Variants in TES observed in about 807,000 individuals in gnomAD.
TES encodes testin.
Under a neutral mutation model 48.2 loss-of-function variants are expected in TES, and 41 were observed. The ratio of observed to expected loss-of-function variants is 0.85; its 90% CI spans 0.66 to 1.10. TES has a LOEUF of 1.10. Among genes scored for constraint, TES ranks in the 50% least tolerant of loss-of-function variants. The pLI, the probability that TES is intolerant of heterozygous loss-of-function variation, is 0.00. For synonymous variants in TES, 162 were observed against 174.9 expected (o/e 0.93, Z 0.58); for missense variants, 463 against 515.1 (o/e 0.90, Z 0.98).
chr7:116,232,535 TAGAA>T (rs1037260244), intron 1 of TES, among the ~76,000 whole-genome samples: 1 of 147,462 alleles, frequency 6.8e-6, no homozygotes, highest in African/African-American at 2.5e-5. Flanking sequence ...AATGGAAAAT[TAGAA>T]AGGGCCTGAA....
intron 1 of TES, 151 bp downstream of exon 1, chr7:116,210,885 G>C: frequency 1.8e-6 from 1 of 564,068 alleles, no homozygotes; most frequent in Non-Finnish European, 2.6e-6. Context: ...CAGGGACCTG[G>C]CCCCCTGGGT....
intron 1 of TES, among the ~76,000 whole-genome samples, chr7:116,214,285 A>G (rs935841716): frequency 6.6e-5 from 10 of 152,188 alleles, no homozygotes; most frequent in African/African-American, 2.4e-4. Context: ...CCAAATGAAT[A>G]CTATTGGAAA....
chr7:116,253,467 G>A (rs997081358), intron 6 of TES, among the ~76,000 whole-genome samples: 2 of 151,290 alleles, frequency 1.3e-5, no homozygotes, highest in South Asian at 2.1e-4. Flanking sequence ...CTCAAATTTC[G>A]TTCCTCCACT....
At chr7:116,210,805 G>C (rs1799427227) in intron 1 of TES, 71 bp downstream of exon 1, 2 of 1,211,086 alleles carry the variant, frequency 1.7e-6, no homozygotes, top group African/African-American at 1.6e-5. Context: ...GCGGCCGGAG[G>C]TGCCGAGGTG....
intron 6 of TES, among the ~76,000 whole-genome samples, chr7:116,252,933 T>C (rs1800040261): frequency 6.6e-6 from 1 of 152,226 alleles, no homozygotes; most frequent in African/African-American, 2.4e-5. Flanking sequence ...TAAACCCTCA[T>C]TGAATTGATT....
intron 1 of TES, among the ~76,000 whole-genome samples, chr7:116,223,252 A>G (rs1212732762): frequency 6.6e-6 from 1 of 152,180 alleles, no homozygotes; most frequent in Non-Finnish European, 1.5e-5. Context: ...CAAATAGATA[A>G]GTAGTACTGT....
At position 116,210,701 on chromosome 7, in the gene TES, C is replaced by T. The variant is rs1012015800; in HGVS notation, c.-7C>T. ...GGAGGAGGAGGGGACCCATAGGACG[C>T]GTTAACATGGACCTGGAAAACAAAG... On this transcript the variant is annotated 5_prime_UTR_variant, in exon 1 of 7. Transcript: ENST00000358204. The T allele has an allele frequency of 3.1e-6, 4 of 1,274,956 alleles. No individual in the cohort carries two copies. The African/African-American group carries it at 6.2e-5, about 20-fold the overall frequency. The allele number at this position is 1,274,956 out of a possible 1,614,324, so 79.0% of individuals were successfully genotyped here. A position where few individuals can be genotyped will look rare whatever the true frequency, so the allele number is the denominator to read the frequency against.
intron 2 of TES, chr7:116,237,904 A>G (rs1799794754): frequency 6.6e-6 from 1 of 152,108 alleles, no homozygotes; most frequent in Admixed American, 6.6e-5. Flanking sequence ...AAGGTCACCT[A>G]TTCCAATGGA....
At chr7:116,228,989 T>C (rs1799659131) in intron 1 of TES, among the ~76,000 whole-genome samples, 1 of 87,408 alleles carries the variant, frequency 1.1e-5, no homozygotes, top group African/African-American at 4.5e-5. Flanking sequence ...AGCTCTCTAG[T>C]ATCTATAACT....
chr7:116,235,981 A>G (rs1035907067), intron 2 of TES, among the ~76,000 whole-genome samples: 18 of 152,142 alleles, frequency 1.2e-4, no homozygotes, highest in Non-Finnish European at 2.2e-4. Context: ...GTTTTGATAC[A>G]ATTCTTCAGT....
intron 2 of TES, chr7:116,238,375 A>C (rs1176720431): frequency 6.6e-6 from 1 of 152,190 alleles, no homozygotes; most frequent in Non-Finnish European, 1.5e-5. Context: ...CTTGTAACTT[A>C]ACTAGTCTAA....
chr7:116,250,555 T>G, intron 4 of TES, 59 bp downstream of exon 4: 1 of 1,347,076 alleles, frequency 7.4e-7, no homozygotes, highest in East Asian at 2.8e-5. Context: ...TTTTTTTCCC[T>G]TACTTTGAAC....
Position 116,257,547 on chromosome 7 carries a change from T to C in TES, c.*65T>C. 8.0e-7 allele frequency: 1 copy of C among 1,248,434 alleles called. No individual in the cohort carries two copies. Among genetic ancestry groups the C allele is most frequent in the African/African-American group, 1.5e-5 (1 of 64,968 alleles). The allele number at this position is 1,248,434 out of a possible 1,614,324, so 77.3% of individuals were successfully genotyped here. On this transcript the variant is annotated 3_prime_UTR_variant, in exon 7 of 7. Transcript: ENST00000358204. ...AGTGGTCTGCATTTCTACTGTAAAA[T>C]GCAATTTGAAAAAAATAAAACGCAA...
At chr7:116,220,832 A>G (rs1032714847) in intron 1 of TES, among the ~76,000 whole-genome samples, 8 of 152,140 alleles carry the variant, frequency 5.3e-5, no homozygotes, top group African/African-American at 1.7e-4. Flanking sequence ...ATGGGTTTCA[A>G]CTGTCTACCT....
intron 1 of TES, among the ~76,000 whole-genome samples, chr7:116,226,126 G>A (rs577112647): frequency 6.6e-6 from 1 of 152,292 alleles, no homozygotes; most frequent in East Asian, 1.9e-4. Flanking sequence ...GGCAGTGGAA[G>A]TTCCTTGGGA....
At chr7:116,239,648 G>A (rs575705022) in intron 2 of TES, among the ~76,000 whole-genome samples, 22 of 152,350 alleles carry the variant, frequency 1.4e-4, no homozygotes, top group Admixed American at 5.2e-4. Context: ...CCTCTGAAGT[G>A]TGATTGTTGT....
intron 2 of TES, among the ~76,000 whole-genome samples, chr7:116,236,484 G>T (rs947038791): frequency 9.9e-5 from 15 of 151,920 alleles, no homozygotes; most frequent in Non-Finnish European, 2.1e-4. Flanking sequence ...TTAAACTTGG[G>T]CCCTATCCCC....
Position 116,230,726 on chromosome 7 carries a change from T to A in TES, c.28-3808T>A, listed in dbSNP as rs1035093709. ...AAATGAAAAGGAAAACAAAACAAAG[T>A]ACTCCGCCTGCTACAAGGCCAGCCC... On this transcript the variant is annotated intron_variant, in intron 1 of 6. Coordinates refer to ENST00000358204, the MANE Select transcript of TES (RefSeq NM_015641.4). Among the ~76,000 whole-genome samples the A allele has an allele frequency of 3.3e-5, 5 of 152,192 alleles. No homozygotes were observed. The East Asian group carries it at 9.6e-4, about 29-fold the overall frequency.
intron 5 of TES, 114 bp downstream of exon 5, chr7:116,252,089 AG>A (rs1800022948): frequency 1.7e-6 from 2 of 1,161,880 alleles, no homozygotes; most frequent in African/African-American, 1.6e-5. Flanking sequence ...TTACATCCAA[AG>A]AAGTTTTAAA....
Sources: gnomAD v4.1 joint callset for allele counts (sites outside exome capture counted in the v4.1 genomes callset) on GRCh38, gnomAD v4.1.1 for gene constraint, MANE v1.5 for transcripts, NCBI Gene and HGNC (gene_info 2026-07-23, HGNC 2026-07-21) for gene names.